GNAL: variants seen among roughly 807,000 people sequenced by gnomAD.
GNAL encodes G protein subunit alpha L.
In GNAL, 18 loss-of-function variants were observed where a neutral mutation model predicts 55.1. The observed-to-expected ratio is 0.33, with a 90% CI of 0.23 to 0.48. GNAL has a LOEUF of 0.48. Among genes scored for constraint, GNAL ranks in the 20% least tolerant of loss-of-function variants. GNAL has a pLI of 0.99. For missense variants in GNAL, 412 were observed against 614.1 expected (o/e 0.67, Z 3.48); for synonymous variants, 253 against 237.0 (o/e 1.07, Z -0.62).
intron 5 of GNAL, among the ~76,000 whole-genome samples, chr18:11,835,834 A>T (rs1568049533): frequency 6.6e-6 from 1 of 152,192 alleles, no homozygotes; most frequent in African/African-American, 2.4e-5. Context: ...ATAAAGGTAC[A>T]GTTTCAGAAT....
At chr18:11,759,958 C>T (rs1233642857) in intron 4 of GNAL, among the ~76,000 whole-genome samples, 2 of 152,032 alleles carry the variant, frequency 1.3e-5, no homozygotes, top group Non-Finnish European at 1.5e-5. Flanking sequence ...TGAGTTCCTC[C>T]ACGGCAGCCT....
intron 4 of GNAL, among the ~76,000 whole-genome samples, chr18:11,788,949 C>G (rs1358477444): frequency 1.3e-5 from 1 of 79,126 alleles, no homozygotes; most frequent in Admixed American, 1.3e-4. Flanking sequence ...ACATATATAT[C>G]AAAAGTGTTT....
chr18:11,699,921 TG>T (rs113432608), intron 1 of GNAL, among the ~76,000 whole-genome samples: 1,923 of 152,218 alleles, frequency 0.013, 41 homozygotes, highest in African/African-American at 0.043. Context: ...ATGTTGCTGG[TG>T]GGGAGGCTGT....
chr18:11,852,737 C>T (rs188714622), intron 5 of GNAL: 2 of 166,510 alleles, frequency 1.2e-5, no homozygotes, highest in African/African-American at 4.8e-5. Context: ...ATAATACTCT[C>T]TTACTGCTTA....
chr18:11,839,137 G>T (rs182632502), intron 5 of GNAL, among the ~76,000 whole-genome samples: 1 of 152,278 alleles, frequency 6.6e-6, no homozygotes, highest in East Asian at 1.9e-4. Context: ...CTAGAACAAT[G>T]CCTGGCATAT....
At chr18:11,826,559 G>A (rs2035252416) in intron 5 of GNAL, among the ~76,000 whole-genome samples, 1 of 152,218 alleles carries the variant, frequency 6.6e-6, no homozygotes, top group South Asian at 2.1e-4. Flanking sequence ...GTCAGGGAAA[G>A]TAGATTGCAG....
chr18:11,825,049 T>C lies in GNAL; in HGVS notation c.722+34T>C, dbSNP rs1020666465. The C allele has an allele frequency of 2.7e-6, 3 of 1,111,870 alleles. No individual in the cohort carries two copies. The Admixed American group carries it at 5.5e-5, about 21-fold the overall frequency. The allele number at this position is 1,111,870 out of a possible 1,614,324, so 68.9% of individuals were successfully genotyped here. ...TGTCCTGTACAAGTTACAGGGCCCT[T>C]TGAAGAATATGATTGCATGCATGAT... On this transcript the variant is annotated intron_variant, in intron 5 of 11. Transcript: ENST00000334049.
At chr18:11,754,385 C>G (rs2032968539) in intron 4 of GNAL, among the ~76,000 whole-genome samples, 1 of 151,724 alleles carries the variant, frequency 6.6e-6, no homozygotes, top group Non-Finnish European at 1.5e-5. Context: ...CCACTGCACT[C>G]CAGCCTGGGC....
At chr18:11,721,494 G>A (rs111245960) in intron 1 of GNAL, among the ~76,000 whole-genome samples, 1,976 of 152,060 alleles carry the variant, frequency 0.013, 40 homozygotes, top group African/African-American at 0.045. Flanking sequence ...TGACTCAAAC[G>A]CCTGTAATCC....
intron 1 of GNAL, among the ~76,000 whole-genome samples, chr18:11,696,468 G>A (rs1239574780): frequency 1.3e-5 from 2 of 149,644 alleles, no homozygotes; most frequent in Admixed American, 1.3e-4. Context: ...TCATGCCACT[G>A]CACTTAAGCT....
Position 11,752,226 on chromosome 18 carries a change from C to T in GNAL, c.377-627C>T. On this transcript the variant is annotated intron_variant, in intron 1 of 11. Coordinates refer to ENST00000334049, the MANE Select transcript of GNAL (RefSeq NM_182978.4). The surrounding 1 kb of genome is among the most constrained non-coding windows in gnomAD (Gnocchi z 4.5). The stretch of plus-strand genomic sequence containing the variant: ...AAAGGCATTTTACTCCGCGCGTCTT[C>T]CTTACAGCCATTTAGTTGGGAGTTT... 9.9e-7 allele frequency: 1 copy of T among 1,007,524 alleles called. No homozygotes were observed. The highest frequency in any genetic ancestry group is 1.3e-6 in the Non-Finnish European group (1 of 744,050). 62.4% of individuals were successfully genotyped at this position (1,007,524 alleles called of 1,614,324 possible).
intron 4 of GNAL, among the ~76,000 whole-genome samples, chr18:11,766,244 A>G (rs1479087442): frequency 6.6e-6 from 1 of 152,256 alleles, no homozygotes. Context: ...AATGTCATCC[A>G]TGAAGGTGTG....
chr18:11,857,426 G>C lies in GNAL; in HGVS notation c.723-4969G>C, dbSNP rs545188050. The C allele has an allele frequency of 6.2e-5, 58 of 928,580 alleles. No individual in the cohort carries two copies. The African/African-American group carries it at 9.4e-4, about 15-fold the overall frequency. The allele number at this position is 928,580 out of a possible 1,614,324, so 57.5% of individuals were successfully genotyped here. On this transcript the variant is annotated intron_variant, in intron 5 of 11. Transcript: ENST00000334049. ...CAGGGAGTTTTGACTGGAGTGGAGG[G>C]TTCACGTGATGTTAAAAGAGACTGA...
rs1434334670 is a variant in GNAL at position 11,752,390 on chromosome 18, T to G, written c.377-463T>G. 1 of 1,578,080 alleles carries G rather than the reference T, an allele frequency of 6.3e-7. No homozygotes were observed. The highest frequency in any genetic ancestry group is 8.6e-7 in the Non-Finnish European group (1 of 1,166,350). ...ACGTCTCCAACTCTCTATTGCTTTT[T>G]GCGCACATTCCTAACTTCCTGACGT... is the stretch of plus-strand genomic sequence containing the variant. On this transcript the variant is annotated intron_variant, in intron 1 of 11. Transcript: ENST00000334049. The surrounding 1 kb of genome is among the most constrained non-coding windows in gnomAD (Gnocchi z 4.5).
intron 1 of GNAL, chr18:11,747,020 T>A (rs1257415196): frequency 1.2e-5 from 6 of 492,676 alleles, no homozygotes; most frequent in South Asian, 9.2e-5. Flanking sequence ...TGGACAGAGA[T>A]CAGATGAACT....
chr18:11,771,719 T>C (rs1033580992), intron 4 of GNAL, among the ~76,000 whole-genome samples: 3 of 151,194 alleles, frequency 2.0e-5, no homozygotes, highest in African/African-American at 7.3e-5. Context: ...ATTTTTTTGT[T>C]GTTTGTTTGT....
chr18:11,726,344 C>G (rs892812735), intron 1 of GNAL, among the ~76,000 whole-genome samples: 3 of 152,198 alleles, frequency 2.0e-5, no homozygotes, highest in African/African-American at 7.2e-5. Flanking sequence ...TTTTAGGATT[C>G]TTAGGAACCT....
chr18:11,791,760 T>C (rs2034244325), intron 4 of GNAL, among the ~76,000 whole-genome samples: 1 of 152,200 alleles, frequency 6.6e-6, no homozygotes, highest in South Asian at 2.1e-4. Context: ...TGGGTTTCAT[T>C]GCAAGGACTC....
Position 11,689,593 on chromosome 18 carries a change from G to T in GNAL, c.30G>T (p.Leu10=). 7.5e-7 allele frequency: 1 copy of T among 1,334,710 alleles called. No homozygotes were observed. The highest frequency in any genetic ancestry group is 9.5e-7 in the Non-Finnish European group (1 of 1,052,772). 82.7% of individuals were successfully genotyped at this position (1,334,710 alleles called of 1,614,324 possible). A position where few individuals can be genotyped will look rare whatever the true frequency, so the allele number is the denominator to read the frequency against. The part of the protein sequence containing the change: MGLCYSLRP[L]LFGGPGDDPC... ...GTCTGTGCTACAGTCTGCGGCCGCT[G>T]CTTTTCGGGGGCCCAGGGGACGACC... is the stretch of plus-strand genomic sequence containing the variant. Residue 10 remains leucine, a synonymous_variant, in exon 1 of 12, where the codon CTG becomes CTT. Transcript: ENST00000334049.
Sources: allele counts gnomAD v4.1 joint callset (sites outside exome capture counted in the v4.1 genomes callset), GRCh38; gene constraint gnomAD v4.1.1; non-coding constraint Gnocchi (gnomAD v3.1); transcripts MANE v1.5; gene names NCBI Gene and HGNC (gene_info 2026-07-23, HGNC 2026-07-21).